The following DTD2 variants were observed in gnomAD, a reference collection of about 807,000 sequenced individuals.
DTD2 encodes D-aminoacyl-tRNA deacylase 2, also known as D-tyrosyl-tRNA deacylase 2 (putative).
Under a neutral mutation model 15.5 loss-of-function variants are expected in DTD2, and 12 were observed. The observed-to-expected ratio is 0.77, with a 90% CI of 0.50 to 1.25. DTD2 has a LOEUF of 1.25. Ranked by LOEUF, DTD2 falls within the 50% of genes most tolerant of loss-of-function variation. DTD2 has a pLI of 0.00. For synonymous variants in DTD2, 59 were observed against 77.3 expected, an observed-to-expected ratio of 0.76 and a Z score of 1.24; for missense variants, 170 against 201.1, an observed-to-expected ratio of 0.85 and a Z score of 0.93.
chr14:31,454,584 A>G (rs917286035), intron 1 of DTD2, among the ~76,000 whole-genome samples: 1 of 152,232 alleles, frequency 6.6e-6, no homozygotes, highest in African/African-American at 2.4e-5. Context: ...CATGAATCGA[A>G]ATCTTAAGCA....
In DTD2 at chr14:31,453,330, C is replaced by T. The variant is rs752287470; in HGVS notation, c.126G>A (p.Leu42=). Residue 42 remains leucine (L), a synonymous_variant, in exon 2 of 3, where the codon CTG becomes CTA. Coordinates refer to ENST00000310850, the MANE Select transcript of DTD2 (RefSeq NM_080664.3). ...AAQWVEVQRG[L]VIYVCFFKGA... is the part of the protein sequence containing the mutation. ...CCTTGAAAAAGCACACGTAGATCAC[C>T]AGTCCTCTTTGGACCTATGAGAAAT... 5 of 1,613,992 alleles carry T rather than the reference C, an allele frequency of 3.1e-6. No homozygotes were observed. The highest frequency in any genetic ancestry group is 2.7e-5 in the African/African-American group (2 of 75,030).
intron 2 of DTD2, chr14:31,452,638 G>A (rs2032050097): frequency 6.6e-6 from 1 of 152,210 alleles, no homozygotes. Context: ...AGCTAGATAG[G>A]AGGAATGAGT....
intron 2 of DTD2, among the ~76,000 whole-genome samples, chr14:31,451,916 G>C (rs1275294659): frequency 6.6e-6 from 1 of 152,104 alleles, no homozygotes; most frequent in Non-Finnish European, 1.5e-5. Flanking sequence ...TCCTGAGAGG[G>C]TATGATTTGA....
intron 1 of DTD2, among the ~76,000 whole-genome samples, chr14:31,456,395 A>T (rs2032095383): frequency 6.6e-6 from 1 of 151,926 alleles, no homozygotes; most frequent in Admixed American, 6.6e-5. Flanking sequence ...CAAAAAATAA[A>T]ATAAAATATA....
At chr14:31,450,554 A>G (rs943226554) in intron 2 of DTD2, among the ~76,000 whole-genome samples, 8 of 152,220 alleles carry the variant, frequency 5.3e-5, no homozygotes, top group Admixed American at 5.2e-4. Context: ...TATGTAATAA[A>G]TATGAGGTGA....
rs1188951998 is a variant in DTD2 at position 31,447,960 on chromosome 14, ACTTGGCAAAGT to A, written c.*158_*168del. On this transcript the variant is annotated 3_prime_UTR_variant, in exon 3 of 3. Transcript: ENST00000310850. ...GTGACTGAGATCCAGAGTTTAGGTGACTTGGCAAAGTCATCCAATTAGCAGGTGCAGAGTTA... is the reference window on the plus strand; with the variant it reads ...GTGACTGAGATCCAGAGTTTAGGTGACATCCAATTAGCAGGTGCAGAGTTA... 1 of 585,018 alleles carries A rather than the reference ACTTGGCAAAGT, an allele frequency of 1.7e-6. No individual in the cohort carries two copies. The highest frequency in any genetic ancestry group is 1.9e-5 in the African/African-American group (1 of 53,078). 36.2% of individuals were successfully genotyped at this position (585,018 alleles called of 1,614,324 possible). A position where few individuals can be genotyped will look rare whatever the true frequency, so the allele number is the denominator to read the frequency against.
chr14:31,453,278 T>C lies in DTD2; in HGVS notation c.178A>G (p.Met60Val). 6.2e-7 allele frequency: 1 copy of C among 1,613,780 alleles called. No individual in the cohort carries two copies. Among genetic ancestry groups the C allele is most frequent in the South Asian group, 1.1e-5 (1 of 91,078 alleles). ...KGADKELLPK[M>V]VNTLLNVKLS... ...AGAAACAAAGTCAAACACATACCCA[T>C]TTTGGGAAGAAGTTCTTTATCAGCT... The change falls in exon 2 of 3, where the codon ATG becomes GTG. Residue 60 changes from methionine (M) to valine (V), a missense_variant. Transcript: ENST00000310850.
chr14:31,452,725 G>GTCTA (rs2032050990), intron 2 of DTD2: 1 of 152,070 alleles, frequency 6.6e-6, no homozygotes, highest in Non-Finnish European at 1.5e-5. Context: ...CTAGAAGAAA[G>GTCTA]GATTTTAAAT....
At chr14:31,448,886 G>C (rs944487616) in intron 2 of DTD2, among the ~76,000 whole-genome samples, 14 of 151,926 alleles carry the variant, frequency 9.2e-5, no homozygotes, top group Non-Finnish European at 1.9e-4. Context: ...TTGCTTGCTT[G>C]CTTTATTTAT....
chr14:31,448,258 A>G lies in DTD2; in HGVS notation c.378T>C (p.Cys126=). 6.2e-7 allele frequency: 1 copy of G among 1,614,198 alleles called. No individual in the cohort carries two copies. Among genetic ancestry groups the G allele is most frequent in the Non-Finnish European group, 8.5e-7 (1 of 1,180,026 alleles). Residue 126 remains cysteine (C), a synonymous_variant, in exon 3 of 3, where the codon TGT becomes TGC. Transcript: ENST00000310850. ...TGCTATTAGCAGCTACTTCTTTTTC[A>G]CATAGAGTCACAAATTGAGAGTAAA... ...FELYSQFVTL[C]EKEVAANSKC...
In DTD2 at chr14:31,447,905, G is replaced by A. The variant is rs1386824628; in HGVS notation, c.*224C>T. The A allele has an allele frequency of 2.1e-6, 1 of 480,052 alleles. No individual in the cohort carries two copies. Among genetic ancestry groups the A allele is most frequent in the African/African-American group, 2.0e-5 (1 of 50,250 alleles). The allele number at this position is 480,052 out of a possible 1,614,324, so 29.7% of individuals were successfully genotyped here. On this transcript the variant is annotated 3_prime_UTR_variant, in exon 3 of 3. Coordinates refer to ENST00000310850, the MANE Select transcript of DTD2 (RefSeq NM_080664.3). Reference sequence around the variant, plus strand: ...TAGACAGCATATTTCAAATTTTCAAGTAGAAGGGTAGAGGAATGTAGGACA... The same window carrying A: ...TAGACAGCATATTTCAAATTTTCAAATAGAAGGGTAGAGGAATGTAGGACA...
chr14:31,446,848 C>T lies in DTD2; in HGVS notation c.*1281G>A, dbSNP rs1210581386. ...TCTTATGGGAAGCTTCCCTTTTTCTCCCTTTTACAGCAATCTAATTCAATG... is the reference window on the plus strand; with the variant it reads ...TCTTATGGGAAGCTTCCCTTTTTCTTCCTTTTACAGCAATCTAATTCAATG... On this transcript the variant is annotated 3_prime_UTR_variant, in exon 3 of 3. Coordinates refer to ENST00000310850, the MANE Select transcript of DTD2 (RefSeq NM_080664.3). 1 of 152,128 alleles carries T rather than the reference C, an allele frequency of 6.6e-6. No individual in the cohort carries two copies. The highest frequency in any genetic ancestry group is 1.9e-4 in the East Asian group (1 of 5,196). 9.4% of individuals were successfully genotyped at this position (152,128 alleles called of 1,614,324 possible).
chr14:31,456,564 A>T (rs1370187339), intron 1 of DTD2, among the ~76,000 whole-genome samples: 1 of 152,142 alleles, frequency 6.6e-6, no homozygotes, highest in Non-Finnish European at 1.5e-5. Context: ...ATTATGAACT[A>T]ATTTTTTTCT....
chr14:31,456,355 C>T (rs1329118640), intron 1 of DTD2, among the ~76,000 whole-genome samples: 1 of 151,972 alleles, frequency 6.6e-6, no homozygotes, highest in East Asian at 1.9e-4. Context: ...CACTGCACTC[C>T]AGCCTGGGCG....
In DTD2 at chr14:31,447,835, AC is replaced by A. The variant is rs2031979332; in HGVS notation, c.*293del. 1 of 251,284 alleles carries A rather than the reference AC, an allele frequency of 4.0e-6. No homozygotes were observed. Among genetic ancestry groups the A allele is most frequent in the African/African-American group, 2.2e-5 (1 of 44,710 alleles). 15.6% of individuals were successfully genotyped at this position (251,284 alleles called of 1,614,324 possible). A position where few individuals can be genotyped will look rare whatever the true frequency, so the allele number is the denominator to read the frequency against. ...ACTCCATCTCAAAAAAAAAACAAAAACAAAAAAACAATTAAGAACATTTCCT... is the reference window on the plus strand; with the variant it reads ...ACTCCATCTCAAAAAAAAAACAAAAAAAAAAAACAATTAAGAACATTTCCT... On this transcript the variant is annotated 3_prime_UTR_variant, in exon 3 of 3. Transcript: ENST00000310850.
At chr14:31,451,996 A>G (rs1436899688) in intron 2 of DTD2, 1 of 152,228 alleles carries the variant, frequency 6.6e-6, no homozygotes, top group African/African-American at 2.4e-5. Context: ...GTATATATAC[A>G]TATCACTATA....
chr14:31,451,283 G>C (rs1460332924), intron 2 of DTD2, among the ~76,000 whole-genome samples: 1 of 151,818 alleles, frequency 6.6e-6, no homozygotes, highest in Non-Finnish European at 1.5e-5. Flanking sequence ...GAGTAGCTGG[G>C]ACTACAGGCG....
In DTD2 at chr14:31,448,232, T is replaced by C. The variant is rs138035440; in HGVS notation, c.404A>G (p.Lys135Arg). 11 of 1,614,198 alleles carry C rather than the reference T, an allele frequency of 6.8e-6. No homozygotes were observed. Among genetic ancestry groups the C allele is most frequent in the Non-Finnish European group, 9.3e-6 (11 of 1,180,028 alleles). The part of the protein sequence containing the change: ...LCEKEVAANS[K>R]CAEARVVVEH... ...CACTACAACCCTAGCTTCAGCACAC[T>C]TGCTATTAGCAGCTACTTCTTTTTC... The change falls in exon 3 of 3, where the codon AAG (lysine) becomes AGG (arginine). Residue 135 changes from lysine to arginine, a missense_variant. Coordinates refer to ENST00000310850, the MANE Select transcript of DTD2 (RefSeq NM_080664.3).
chr14:31,452,597 G>A (rs1274312197), intron 2 of DTD2: 3 of 152,172 alleles, frequency 2.0e-5, no homozygotes, highest in Non-Finnish European at 2.9e-5. Flanking sequence ...TCTTAGGATG[G>A]GCAGGGATTG....
Sources: allele counts gnomAD v4.1 joint callset (sites outside exome capture counted in the v4.1 genomes callset), GRCh38; gene constraint gnomAD v4.1.1; transcripts MANE v1.5; gene names NCBI Gene and HGNC (gene_info 2026-07-23, HGNC 2026-07-21).